Variants in IFT140 observed in about 807,000 individuals in gnomAD.
The protein encoded by IFT140 is intraflagellar transport 140.
In IFT140, 133 loss-of-function variants were observed where a neutral mutation model predicts 164.6. The observed-to-expected ratio is 0.81, with a 90% CI of 0.70 to 0.93. The LOEUF is 0.93. IFT140 is among the 40% of genes least tolerant of loss of function. IFT140 has a pLI of 0.00. For missense variants in IFT140, 2,045 were observed against 1,972.3 expected (o/e 1.04, Z -0.70); for synonymous variants, 860 against 817.3 (o/e 1.05, Z -0.89).
At chr16:1,570,447 C>A (rs541200628) in intron 14 of IFT140, among the ~76,000 whole-genome samples, 2 of 152,320 alleles carry the variant, frequency 1.3e-5, no homozygotes, top group African/African-American at 2.4e-5. Context: ...CCCACTCCCA[C>A]TCCCACCACG....
intron 17 of IFT140, among the ~76,000 whole-genome samples, chr16:1,562,945 C>T (rs191330690): frequency 5.3e-5 from 8 of 152,260 alleles, no homozygotes; most frequent in African/African-American, 1.7e-4. Context: ...CTGCTCTGGA[C>T]AGGAAACCAG....
rs1192677597 is a variant in IFT140, at chr16:1,607,163, A to T, written c.104T>A (p.Ile35Asn). ...PVHPFLAVAY[I>N]STTSTGSVDI... ...CACGCTGCCTGTTGAGGTTGTGCTG[A>T]TGTAAGCAACTGCCAAGAATGGATG... The change falls in exon 3 of 31, where the codon ATC (isoleucine) becomes AAC (asparagine). Residue 35 changes from isoleucine to asparagine, a missense_variant. Physicochemically the swap from Ile to Asn is moderately radical, Grantham distance 149. Transcript: ENST00000426508. 4 of 1,614,182 alleles carry T rather than the reference A, an allele frequency of 2.5e-6. No homozygotes were observed. The highest frequency in any genetic ancestry group is 3.4e-6 in the Non-Finnish European group (4 of 1,180,034).
chr16:1,586,800 A>AG (rs1202227091), intron 9 of IFT140, among the ~76,000 whole-genome samples: 1 of 152,168 alleles, frequency 6.6e-6, no homozygotes. Context: ...TCAACCTCCC[A>AG]GGCTCAAGCA....
At chr16:1,515,394 G>GA in intron 30 of IFT140, among the ~76,000 whole-genome samples, 1 of 152,226 alleles carries the variant, frequency 6.6e-6, no homozygotes, top group Middle Eastern at 3.4e-3. Flanking sequence ...GTGCTGAAAG[G>GA]AAAAAAATCT....
chr16:1,568,845 C>T (rs1249430622), intron 14 of IFT140, among the ~76,000 whole-genome samples: 3 of 152,196 alleles, frequency 2.0e-5, no homozygotes, highest in Non-Finnish European at 4.4e-5. Context: ...CGCGATTTTT[C>T]GTAGCACGTG....
chr16:1,608,046 G>C (rs1314265191), intron 2 of IFT140, among the ~76,000 whole-genome samples: 1 of 152,148 alleles, frequency 6.6e-6, no homozygotes. Flanking sequence ...TAAAATCAAA[G>C]ACTGTCTTTT....
Position 1,589,864 on chromosome 16 carries a change from C to T in IFT140, c.635-84G>A, listed in dbSNP as rs1010524378. On this transcript the variant is annotated intron_variant, in intron 6 of 30. Transcript: ENST00000426508. ...CCTCACCAGCAGCCATTTCTATCAA[C>T]TTAAGGACATTTTCAAAGCAAAGCA... 100 of 1,263,532 alleles carry T rather than the reference C, an allele frequency of 7.9e-5. No homozygotes were observed. The Middle Eastern group carries it at 1.3e-3, about 16-fold the overall frequency. The allele number at this position is 1,263,532 out of a possible 1,614,324, so 78.3% of individuals were successfully genotyped here. A position where few individuals can be genotyped will look rare whatever the true frequency, so the allele number is the denominator to read the frequency against.
intron 14 of IFT140, 99 bp downstream of exon 14, chr16:1,571,308 C>T (rs1310062407): frequency 6.0e-6 from 7 of 1,164,496 alleles, no homozygotes; most frequent in Non-Finnish European, 8.5e-6. Flanking sequence ...AAATGGGCAC[C>T]TAAGGAGTCT....
chr16:1,567,988 T>C (rs1292570497), intron 15 of IFT140, among the ~76,000 whole-genome samples: 1 of 152,100 alleles, frequency 6.6e-6, no homozygotes, highest in Non-Finnish European at 1.5e-5. Context: ...GGACAGAAGA[T>C]GGCAGGTCGG....
In IFT140 at chr16:1,566,201, G is replaced by C; in HGVS notation, c.1861C>G (p.Arg621Gly). Residue 621 changes from arginine (R) to glycine (G), a missense_variant, in exon 16 of 31, where the codon CGG becomes GGG. Arg to Gly is a moderately radical substitution (Grantham distance 125, BLOSUM62 -2). Coordinates refer to ENST00000426508, the MANE Select transcript of IFT140 (RefSeq NM_014714.4). ...TCATTAAAGGACAGCGTCTCTCTCC[G>C]ATCAATTTGTCCAGTCTTGAAGTCA... ...VFDFKTGQID[R>G]RETLSFNEQE... is the part of the protein sequence containing the mutation. 4 of 1,613,650 alleles carry C rather than the reference G, an allele frequency of 2.5e-6. No individual in the cohort carries two copies. The highest frequency in any genetic ancestry group is 1.7e-6 in the Non-Finnish European group (2 of 1,179,634).
intron 19 of IFT140, among the ~76,000 whole-genome samples, chr16:1,528,323 GCACGCACGTGTGCACACACACGCA>G (rs2029959591): frequency 8.5e-6 from 1 of 117,326 alleles, no homozygotes; most frequent in East Asian, 2.4e-4. Context: ...ACGCACGCAT[GCACGCACGTGTGCACACACACGCA>G]TGCACGCACG....
At chr16:1,526,579 G>A (rs8052380) in intron 20 of IFT140, 40 bp downstream of exon 20, 60 of 1,469,592 alleles carry the variant, frequency 4.1e-5, no homozygotes, top group Admixed American at 4.9e-5. Context: ...TGTGGCAGGC[G>A]TGGTGCCTTC....
At chr16:1,602,125 G>A (rs1047920408) in intron 4 of IFT140, 15 of 530,260 alleles carry the variant, frequency 2.8e-5, no homozygotes, top group Admixed American at 1.6e-4. Flanking sequence ...ACAGTATCTG[G>A]GCACGTATCT....
chr16:1,548,013 C>T (rs940853601), intron 19 of IFT140, among the ~76,000 whole-genome samples: 4 of 152,238 alleles, frequency 2.6e-5, no homozygotes, highest in Non-Finnish European at 5.9e-5. Flanking sequence ...TTGGTACCCA[C>T]TCCCCAGGCA....
chr16:1,562,728 T>C (rs1325579032), intron 17 of IFT140, among the ~76,000 whole-genome samples: 5 of 151,870 alleles, frequency 3.3e-5, no homozygotes, highest in African/African-American at 1.2e-4. Context: ...GCTGAGATCA[T>C]GCCAGTGCAC....
chr16:1,554,832 A>G, intron 19 of IFT140: 1 of 1,614,054 alleles, frequency 6.2e-7, no homozygotes, highest in South Asian at 1.1e-5. Flanking sequence ...TGGCCCATAC[A>G]CCAACCTGTC....
intron 19 of IFT140, 174 bp from the exon 20 acceptor site, chr16:1,526,970 G>T (rs917982073): frequency 1.3e-4 from 84 of 661,330 alleles, no homozygotes; most frequent in Admixed American, 2.5e-4. Context: ...ATGCAGAGAG[G>T]TGCCCGTCAC....
At chr16:1,543,669 G>A (rs972538747) in intron 19 of IFT140, among the ~76,000 whole-genome samples, 1 of 152,246 alleles carries the variant, frequency 6.6e-6, no homozygotes, top group Non-Finnish European at 1.5e-5. Flanking sequence ...AGACAGGGAT[G>A]TGGGACCTAG....
At chr16:1,592,735 T>C in intron 4 of IFT140, 147 bp from the exon 5 acceptor site, 1 of 1,300,010 alleles carries the variant, frequency 7.7e-7, no homozygotes, top group Admixed American at 2.6e-5. Flanking sequence ...GCAGAGTGAC[T>C]GGTGGAGGGA....
Sources: gnomAD v4.1 joint callset for allele counts (sites outside exome capture counted in the v4.1 genomes callset) on GRCh38, gnomAD v4.1.1 for gene constraint, MANE v1.5 for transcripts, NCBI Gene and HGNC (gene_info 2026-07-23, HGNC 2026-07-21) for gene names.